ARHGAP5: variants seen among roughly 807,000 people sequenced by gnomAD.
ARHGAP5 encodes the protein Rho GTPase activating protein 5.
In ARHGAP5, 23 loss-of-function variants were observed where a neutral mutation model predicts 116.6. The observed-to-expected ratio is 0.20, with a 90% confidence interval of 0.14 to 0.28. The LOEUF (loss-of-function observed/expected upper bound fraction) is 0.28. Among genes scored for constraint, ARHGAP5 ranks in the 10% least tolerant of loss-of-function variants. The pLI is 1.00. For missense variants in ARHGAP5, 1,405 were observed against 1,774.8 expected (o/e 0.79, Z 3.74); for synonymous variants, 574 against 602.0 (o/e 0.95, Z 0.68).
chr14:32,122,790 A>G (rs926483334), intron 3 of ARHGAP5, among the ~76,000 whole-genome samples: 1 of 152,210 alleles, frequency 6.6e-6, no homozygotes, highest in Non-Finnish European at 1.5e-5. Flanking sequence ...GCCTTGGCAC[A>G]GTTGTTCAAA....
Position 32,093,858 on chromosome 14 carries a change from A to G in ARHGAP5, c.3189A>G (p.Glu1063=). The G allele has an allele frequency of 1.2e-6, 2 of 1,614,014 alleles. No homozygotes were observed. The highest frequency in any genetic ancestry group is 1.7e-6 in the Non-Finnish European group (2 of 1,179,984). The change falls in exon 2 of 7, where the codon GAA becomes GAG. Residue 1063 remains glutamate (E), a synonymous_variant. Coordinates refer to ENST00000345122, the MANE Select transcript of ARHGAP5 (RefSeq NM_001030055.2). ...KLDPNLLKTI[E]AGIGKNPRKQ... is the part of the protein sequence containing the mutation. ...ATCCAAACCTTTTAAAAACAATTGA[A>G]GCTGGTATTGGTAAAAATCCAAGAA... is the stretch of plus-strand genomic sequence containing the variant.
At chr14:32,147,625 A>G (rs186771067) in intron 4 of ARHGAP5, among the ~76,000 whole-genome samples, 1 of 152,190 alleles carries the variant, frequency 6.6e-6, no homozygotes, top group Admixed American at 6.5e-5. Context: ...ATGCCAAGAT[A>G]TACTTACAAG....
At chr14:32,128,103 G>A (rs1321302955) in intron 3 of ARHGAP5, among the ~76,000 whole-genome samples, 2 of 150,424 alleles carry the variant, frequency 1.3e-5, no homozygotes, top group Non-Finnish European at 3.0e-5. Context: ...GGGCAGAGTC[G>A]CTCCCCACAT....
At position 32,103,590 on chromosome 14, in the gene ARHGAP5, T is replaced by C. The variant is rs929379337; in HGVS notation, c.3717+9204T>C. On this transcript the variant is annotated intron_variant, in intron 2 of 6. Transcript: ENST00000345122. ...TGTAACATAGATAATTGTGTTCTTA[T>C]GTTAATGGACAGTTGTTACTATTGC... Among the ~76,000 whole-genome samples the C allele has an allele frequency of 3.9e-5, 6 of 152,194 alleles. No homozygotes were observed. In the East Asian group the frequency reaches 1.2e-3, roughly 29 times the overall value.
chr14:32,108,502 G>T (rs1879123836), intron 2 of ARHGAP5, among the ~76,000 whole-genome samples: 1 of 151,916 alleles, frequency 6.6e-6, no homozygotes, highest in African/African-American at 2.4e-5. Context: ...ATGAAATAGA[G>T]TAGGGTTATA....
Position 32,091,710 on chromosome 14 carries a change from C to T in ARHGAP5, c.1041C>T (p.Asn347=). Residue 347 remains asparagine (N), a synonymous_variant, in exon 2 of 7, where the codon AAC becomes AAT. Transcript: ENST00000345122. ...EYINTLPRAF[N]TLLPNLEEIE... is the part of the protein sequence containing the mutation. ...TAAATACTTTACCAAGAGCTTTTAA[C>T]ACTCTTTTGCCAAATCTAGAAGAGA... The T allele has an allele frequency of 3.1e-6, 5 of 1,610,968 alleles. No individual in the cohort carries two copies. Among genetic ancestry groups the T allele is most frequent in the Non-Finnish European group, 3.4e-6 (4 of 1,178,982 alleles).
chr14:32,088,632 G>A (rs796507934), intron 1 of ARHGAP5, among the ~76,000 whole-genome samples: 3 of 152,088 alleles, frequency 2.0e-5, no homozygotes, highest in South Asian at 2.1e-4. Context: ...ATTAAGATTT[G>A]TAAACATTTT....
intron 2 of ARHGAP5, among the ~76,000 whole-genome samples, chr14:32,112,237 A>G (rs1238721129): frequency 6.6e-6 from 1 of 152,068 alleles, no homozygotes; most frequent in Non-Finnish European, 1.5e-5. Context: ...GTTTTGTTCA[A>G]TTTTTGGTTA....
Position 32,154,727 on chromosome 14 carries a change from A to G in ARHGAP5, c.4288A>G (p.Thr1430Ala), listed in dbSNP as rs371504691. 1.7e-5 allele frequency: 27 copies of G among 1,614,012 alleles called. No individual in the cohort carries two copies. In the East Asian group the frequency reaches 4.9e-4, roughly 29 times the overall value. ...TTTTGAAAATCGAGAGTTTCTGTCTACTACTAAGATTCATCAATCTGTTGT... is the reference window on the plus strand; with the variant it reads ...TTTTGAAAATCGAGAGTTTCTGTCTGCTACTAAGATTCATCAATCTGTTGT... ...PDFENREFLS[T>A]TKIHQSVVET... Residue 1430 changes from threonine to alanine, a missense_variant, in exon 7 of 7, where the codon ACT (threonine) becomes GCT (alanine). Thr to Ala is a moderately conservative substitution (Grantham distance 58, BLOSUM62 0). This residue lies in a region of ARHGAP5 where 85 missense variants were observed against 96.6 expected (regional missense o/e 0.88). Transcript: ENST00000345122.
At chr14:32,130,198 A>G (rs2139099919) in intron 3 of ARHGAP5, among the ~76,000 whole-genome samples, 1 of 149,126 alleles carries the variant, frequency 6.7e-6, no homozygotes, top group South Asian at 2.1e-4. Context: ...AATCCCTTGC[A>G]TTCATAAGGG....
At chr14:32,083,544 G>A (rs773644951) in intron 1 of ARHGAP5, among the ~76,000 whole-genome samples, 1 of 152,126 alleles carries the variant, frequency 6.6e-6, no homozygotes, top group Non-Finnish European at 1.5e-5. Flanking sequence ...TTAGTACCAT[G>A]GTATAGCACA....
intron 1 of ARHGAP5, 72 bp downstream of exon 1, chr14:32,077,507 C>G (rs947720699): frequency 6.3e-5 from 41 of 654,940 alleles, no homozygotes; most frequent in Non-Finnish European, 7.7e-5. Flanking sequence ...CTGCGGCTAG[C>G]TGCCCCGCTC....
intron 2 of ARHGAP5, among the ~76,000 whole-genome samples, chr14:32,110,568 C>T (rs934083398): frequency 6.6e-6 from 1 of 151,844 alleles, no homozygotes; most frequent in African/African-American, 2.4e-5. Context: ...TTGAGGAAGG[C>T]GTAAATGATG....
chr14:32,128,859 C>G (rs1046702249), intron 3 of ARHGAP5, among the ~76,000 whole-genome samples: 3 of 152,158 alleles, frequency 2.0e-5, no homozygotes, highest in African/African-American at 4.8e-5. Flanking sequence ...GCTTTAATGT[C>G]AGGATGCTAC....
chr14:32,116,414 C>T (rs1189871317), intron 2 of ARHGAP5, among the ~76,000 whole-genome samples: 2 of 150,722 alleles, frequency 1.3e-5, no homozygotes. Context: ...CACGGTGAAA[C>T]CCGTCTCTAC....
intron 3 of ARHGAP5, among the ~76,000 whole-genome samples, chr14:32,120,931 T>C (rs1264910334): frequency 6.6e-6 from 1 of 152,090 alleles, no homozygotes; most frequent in Non-Finnish European, 1.5e-5. Context: ...TTGTAGATTG[T>C]GTGTTTCTCC....
intron 2 of ARHGAP5, 62 bp downstream of exon 2, chr14:32,094,448 C>T (rs1878427022): frequency 8.0e-7 from 1 of 1,245,172 alleles, no homozygotes; most frequent in Non-Finnish European, 1.1e-6. Flanking sequence ...TTTTAAAATA[C>T]TGACATCAGT....
chr14:32,098,701 A>C (rs1316058653), intron 2 of ARHGAP5, among the ~76,000 whole-genome samples: 3 of 152,234 alleles, frequency 2.0e-5, no homozygotes, highest in African/African-American at 7.2e-5. Context: ...TAAACCGATG[A>C]ACATAGCCGT....
chr14:32,122,632 T>G, intron 3 of ARHGAP5, among the ~76,000 whole-genome samples: 1 of 152,226 alleles, frequency 6.6e-6, no homozygotes, highest in East Asian at 1.9e-4. Context: ...TCCAAGAGTT[T>G]TACGGTTTTA....
Sources: gnomAD v4.1 joint callset for allele counts (sites outside exome capture counted in the v4.1 genomes callset) on GRCh38, gnomAD v4.1.1 for gene constraint, gnomAD v4.1.1 regional missense constraint, MANE v1.5 for transcripts, NCBI Gene and HGNC (gene_info 2026-07-23, HGNC 2026-07-21) for gene names.